Variants in CNTN6 observed in about 807,000 individuals in gnomAD.
The protein encoded by CNTN6 is contactin-6.
CNTN6 carries 137 observed loss-of-function variants against 122.8 expected under a neutral mutation model. The observed-to-expected ratio is 1.12, with a 90% confidence interval of 0.97 to 1.29. The LOEUF is 1.29. Among genes scored for constraint, CNTN6 ranks in the 50% most tolerant of loss-of-function variants. The probability of loss-of-function intolerance (pLI) is 0.00; values close to 1 mark genes in which losing one functional copy is unlikely to be tolerated. For missense variants in CNTN6, 1,634 were observed against 1,223.4 expected (o/e 1.34, Z -5.01); for synonymous variants, 570 against 426.0 (o/e 1.34, Z -4.16).
In CNTN6 at chr3:1,352,533, G is replaced by A. The variant is rs890249916; in HGVS notation, c.1492+82G>A. 30 of 1,490,118 alleles carry A rather than the reference G, an allele frequency of 2.0e-5. No individual in the cohort carries two copies. In the African/African-American group the frequency reaches 3.2e-4, roughly 16 times the overall value. The allele number at this position is 1,490,118 out of a possible 1,614,324, so 92.3% of individuals were successfully genotyped here. ...TGACTTGTGTTATGGTGTCAAACCT[G>A]TACCATATTGTGTATGTAAAATTGT... On this transcript the variant is annotated intron_variant, in intron 12 of 22. Transcript: ENST00000446702.
chr3:1,139,637 C>A (rs565867490), intron 1 of CNTN6, among the ~76,000 whole-genome samples: 2 of 152,170 alleles, frequency 1.3e-5, no homozygotes, highest in East Asian at 1.9e-4. Context: ...GAACAATGAA[C>A]AATTCATCAA....
intron 1 of CNTN6, among the ~76,000 whole-genome samples, chr3:1,145,421 A>G (rs1374826219): frequency 1.3e-5 from 2 of 152,158 alleles, no homozygotes; most frequent in South Asian, 2.1e-4. Context: ...GTATTGTCTG[A>G]TGGTACATAG....
chr3:1,323,665 A>G (rs2125980898), intron 8 of CNTN6, among the ~76,000 whole-genome samples: 1 of 151,872 alleles, frequency 6.6e-6, no homozygotes. Flanking sequence ...ATAATCTCTA[A>G]AAGAAATCTC....
intron 1 of CNTN6, among the ~76,000 whole-genome samples, chr3:1,107,860 G>C (rs6442206): frequency 6.6e-6 from 1 of 151,976 alleles, no homozygotes; most frequent in Admixed American, 6.6e-5. Flanking sequence ...TTACTGAAAG[G>C]AGTTAGGTCT....
chr3:1,171,994 C>T (rs757658345), intron 2 of CNTN6, among the ~76,000 whole-genome samples: 3 of 152,180 alleles, frequency 2.0e-5, no homozygotes, highest in Non-Finnish European at 4.4e-5. Context: ...CCTTCAATTT[C>T]ACACCATCCA....
intron 3 of CNTN6, 113 bp from the exon 4 acceptor site, chr3:1,227,705 A>C: frequency 1.7e-6 from 2 of 1,143,396 alleles, no homozygotes; most frequent in Admixed American, 2.3e-5. Flanking sequence ...TCCACATGTA[A>C]TCATGTTTTT....
chr3:1,130,341 A>G (rs894620527), intron 1 of CNTN6, among the ~76,000 whole-genome samples: 1 of 151,962 alleles, frequency 6.6e-6, no homozygotes, highest in Non-Finnish European at 1.5e-5. Flanking sequence ...CACGGTGAAA[A>G]CCTAACTAAG....
chr3:1,174,197 C>T (rs752204527), intron 2 of CNTN6, among the ~76,000 whole-genome samples: 2 of 152,156 alleles, frequency 1.3e-5, no homozygotes, highest in Non-Finnish European at 2.9e-5. Context: ...ACAATACATT[C>T]GCTTTTACAG....
chr3:1,138,109 G>A (rs1352593649), intron 1 of CNTN6, among the ~76,000 whole-genome samples: 1 of 152,142 alleles, frequency 6.6e-6, no homozygotes, highest in Non-Finnish European at 1.5e-5. Context: ...TCCTTGCACT[G>A]CTCCCCAGGA....
At chr3:1,303,485 C>T (rs1406174069) in intron 7 of CNTN6, among the ~76,000 whole-genome samples, 1 of 152,108 alleles carries the variant, frequency 6.6e-6, no homozygotes, top group Admixed American at 6.6e-5. Context: ...TAGCTAGTAC[C>T]TTTGCTTTTA....
rs534276286 is a variant in CNTN6 at position 1,140,193 on chromosome 3, G to A, written c.-82-7734G>A. On this transcript the variant is annotated intron_variant, in intron 1 of 22. Coordinates refer to ENST00000446702, the MANE Select transcript of CNTN6 (RefSeq NM_001289080.2). The stretch of plus-strand genomic sequence containing the variant: ...AACACTACAAATCCTCAAAGCTATA[G>A]CAGCGTCACTCATCCACATTCTTGT... Among the ~76,000 whole-genome samples the A allele has an allele frequency of 1.1e-4, 16 of 152,248 alleles. No individual in the cohort carries two copies. The South Asian group carries it at 3.3e-3, about 32-fold the overall frequency.
chr3:1,261,683 G>A (rs1316736086), intron 4 of CNTN6, among the ~76,000 whole-genome samples: 2 of 152,168 alleles, frequency 1.3e-5, no homozygotes, highest in African/African-American at 4.8e-5. Context: ...GGGTTGAACA[G>A]ATATATGGGA....
At chr3:1,286,020 C>T (rs558129541) in intron 5 of CNTN6, among the ~76,000 whole-genome samples, 6 of 152,280 alleles carry the variant, frequency 3.9e-5, no homozygotes, top group African/African-American at 1.2e-4. Flanking sequence ...CACATTCCTT[C>T]CCTCCACTTT....
chr3:1,241,839 A>G (rs1467485340), intron 4 of CNTN6, among the ~76,000 whole-genome samples: 1 of 152,246 alleles, frequency 6.6e-6, no homozygotes, highest in African/African-American at 2.4e-5. Context: ...GAGGACTGAT[A>G]AAGTTTGTGA....
rs867077249 is a variant in CNTN6 at position 1,102,585 on chromosome 3, C to T, written c.-83+9465C>T. On this transcript the variant is annotated intron_variant, in intron 1 of 22. Coordinates refer to ENST00000446702, the MANE Select transcript of CNTN6 (RefSeq NM_001289080.2). ...CTCTACTAAAAATACAAAAATGAGC[C>T]GGGCGTGGTGGCGGCGCCTGTAGTC... Among the ~76,000 whole-genome samples, 545 of 146,488 alleles carry T rather than the reference C, an allele frequency of 3.7e-3. 15 individuals are homozygous for T. Among genetic ancestry groups the T allele is most frequent in the African/African-American group, 0.013 (511 of 38,482 alleles).
intron 4 of CNTN6, among the ~76,000 whole-genome samples, chr3:1,275,494 G>T (rs1692173966): frequency 6.6e-6 from 1 of 152,076 alleles, no homozygotes; most frequent in South Asian, 2.1e-4. Context: ...CTCTAAATAT[G>T]GAGATTTTCA....
At chr3:1,385,865 TTCATTTCATTCCCACACC>T in intron 20 of CNTN6, 68 bp downstream of exon 20, 1 of 1,373,934 alleles carries the variant, frequency 7.3e-7, no homozygotes, top group South Asian at 1.5e-5. Context: ...TTGCTTGATG[TTCATTTCATTCCCACACC>T]TCATTTCTTT....
chr3:1,313,093 T>G (rs1325424620), intron 7 of CNTN6, among the ~76,000 whole-genome samples: 1 of 152,084 alleles, frequency 6.6e-6, no homozygotes, highest in Non-Finnish European at 1.5e-5. Flanking sequence ...TCAAACGGAA[T>G]AAATTTGAGG....
chr3:1,385,739 C>T lies in CNTN6; in HGVS notation c.2646C>T (p.Tyr882=). 6.2e-7 allele frequency: 1 copy of T among 1,614,098 alleles called. No homozygotes were observed. The highest frequency in any genetic ancestry group is 8.5e-7 in the Non-Finnish European group (1 of 1,179,940). The part of the protein sequence containing the change: ...NTIYFASVRA[Y]NTAGTGPSSP... ...TCTACTTTGCTTCCGTAAGAGCTTA[C>T]AACACTGCTGGGACAGGGCCCTCAA... Residue 882 remains tyrosine, a synonymous_variant, in exon 20 of 23, where the codon TAC becomes TAT. Transcript: ENST00000446702.
Sources: allele counts gnomAD v4.1 joint callset (sites outside exome capture counted in the v4.1 genomes callset), GRCh38; gene constraint gnomAD v4.1.1; transcripts MANE v1.5; gene names NCBI Gene and HGNC (gene_info 2026-07-23, HGNC 2026-07-21).